ZIK1: variants seen among roughly 807,000 people sequenced by gnomAD.
The protein encoded by ZIK1 is zinc finger protein interacting with ribonucleoprotein K.
ZIK1 carries 12 observed loss-of-function variants against 10.7 expected under a neutral mutation model. That is an observed-to-expected ratio of 1.12 (90% confidence interval 0.72 to 1.81). ZIK1 has a LOEUF of 1.81. Ranked by LOEUF, ZIK1 falls within the 40% of genes most tolerant of loss-of-function variation. The pLI, the probability that ZIK1 is intolerant of heterozygous loss-of-function variation, is 0.00. For missense variants in ZIK1, 497 were observed against 585.7 expected (o/e 0.85, Z 1.56); for synonymous variants, 190 against 205.0 (o/e 0.93, Z 0.63).
chr19:57,585,054 C>T (rs1208731878), intron 2 of ZIK1, 64 bp downstream of exon 2: 1 of 1,520,172 alleles, frequency 6.6e-7, no homozygotes, highest in Non-Finnish European at 9.0e-7. Flanking sequence ...TTTCATGGAT[C>T]TTTTTGCCAC....
At chr19:57,584,489 G>T (rs2123410229) in intron 1 of ZIK1, 100 bp downstream of exon 1, 3 of 1,459,168 alleles carry the variant, frequency 2.1e-6, no homozygotes, top group South Asian at 2.7e-5. Flanking sequence ...GTGGGGGCTC[G>T]TGGGTGGGGT....
chr19:57,586,573 C>CA (rs1287207042), intron 2 of ZIK1, among the ~76,000 whole-genome samples: 1 of 151,880 alleles, frequency 6.6e-6, no homozygotes, highest in African/African-American at 2.4e-5. Context: ...AAAAACAAAA[C>CA]AAAAAAACAG....
At position 57,590,564 on chromosome 19, in the gene ZIK1, G is replaced by A. The variant is rs751906697; in HGVS notation, c.753G>A (p.Lys251=). 1 of 1,614,214 alleles carries A rather than the reference G, an allele frequency of 6.2e-7. No homozygotes were observed. The highest frequency in any genetic ancestry group is 1.7e-5 in the Admixed American group (1 of 60,024). Residue 251 remains lysine, a synonymous_variant, in exon 4 of 4, where the codon AAG becomes AAA. Transcript: ENST00000597850. ...AATGTGGGAAAGCCTTCCGTGGCAA[G>A]TACTCACTTGTTCAGCACCAGAGAG... The part of the protein sequence containing the change: ...CSKCGKAFRG[K]YSLVQHQRVH...
intron 2 of ZIK1, among the ~76,000 whole-genome samples, chr19:57,587,081 C>G (rs1979228630): frequency 2.0e-5 from 3 of 152,148 alleles, no homozygotes; most frequent in African/African-American, 7.2e-5. Flanking sequence ...AGGGGAACTC[C>G]CCCCTTATAA....
chr19:57,584,362 T>C lies in ZIK1; in HGVS notation c.6T>C (p.Ala2=). Residue 2 remains alanine, a synonymous_variant, in exon 1 of 4, where the codon GCT becomes GCC. Transcript: ENST00000597850. The stretch of plus-strand genomic sequence containing the variant: ...CGCTCTGCCCACAGACTCCGATGGC[T>C]GCGGCCGCGCTGAGGGCCCCGACTC... The part of the protein sequence containing the change: M[A]AAALRAPTQV... 6.2e-7 allele frequency: 1 copy of C among 1,602,400 alleles called. No homozygotes were observed. Among genetic ancestry groups the C allele is most frequent in the Non-Finnish European group, 8.5e-7 (1 of 1,175,240 alleles).
chr19:57,591,054 TC>T lies in ZIK1; in HGVS notation c.1245del (p.Phe416LeufsTer95), dbSNP rs760098463. On this transcript the variant is annotated frameshift_variant, in exon 4 of 4. Transcript: ENST00000597850. LOFTEE classifies it low-confidence loss of function (END_TRUNC). ...RPYKCGDCGK[S>X]FSQSSILIQH... Reference sequence around the variant, plus strand: ...TTATAAGTGTGGTGACTGTGGGAAATCCTTTAGTCAAAGCTCCATCCTTATT... The same window carrying T: ...TTATAAGTGTGGTGACTGTGGGAAATCTTTAGTCAAAGCTCCATCCTTATT... The T allele has an allele frequency of 5.0e-6, 8 of 1,613,870 alleles. No individual in the cohort carries two copies. Among genetic ancestry groups the T allele is most frequent in the Non-Finnish European group, 6.8e-6 (8 of 1,179,988 alleles).
intron 2 of ZIK1, 95 bp from the exon 3 acceptor site, chr19:57,588,444 C>T: frequency 7.7e-7 from 1 of 1,305,226 alleles, no homozygotes; most frequent in East Asian, 2.7e-5. Flanking sequence ...ATCTGTGTCA[C>T]CAGGGCCTGT....
In ZIK1 at chr19:57,591,055, C is replaced by T. The variant is rs139497450; in HGVS notation, c.1244C>T (p.Ser415Phe). ...RPYKCGDCGK[S>F]FSQSSILIQH... Reference sequence around the variant, plus strand: ...TATAAGTGTGGTGACTGTGGGAAATCCTTTAGTCAAAGCTCCATCCTTATT... The same window carrying T: ...TATAAGTGTGGTGACTGTGGGAAATTCTTTAGTCAAAGCTCCATCCTTATT... The change falls in exon 4 of 4, where the codon TCC (serine) becomes TTC (phenylalanine). Residue 415 changes from serine to phenylalanine, a missense_variant. Physicochemically the swap from Ser to Phe is radical, Grantham distance 155. Transcript: ENST00000597850. 1 of 1,613,682 alleles carries T rather than the reference C, an allele frequency of 6.2e-7. No homozygotes were observed. Among genetic ancestry groups the T allele is most frequent in the African/African-American group, 1.3e-5 (1 of 74,818 alleles).
In ZIK1 at chr19:57,584,945, T is replaced by C. The variant is rs1195638345; in HGVS notation, c.34-7T>C. 2.5e-6 allele frequency: 4 copies of C among 1,613,754 alleles called. No individual in the cohort carries two copies. The highest frequency in any genetic ancestry group is 3.4e-6 in the Non-Finnish European group (4 of 1,179,892). On this transcript the variant is annotated splice_polypyrimidine_tract_variant and splice_region_variant and intron_variant, in intron 1 of 3. Transcript: ENST00000597850. ...ACCTGCCTTTCATGATCTTTGGCTTTCCACAGGTTACTGTGTCTCCAGAAA... is the reference window on the plus strand; with the variant it reads ...ACCTGCCTTTCATGATCTTTGGCTTCCCACAGGTTACTGTGTCTCCAGAAA...
chr19:57,585,704 TTTTA>T (rs773604208), intron 2 of ZIK1, among the ~76,000 whole-genome samples: 35 of 152,216 alleles, frequency 2.3e-4, no homozygotes, highest in Non-Finnish European at 3.5e-4. Flanking sequence ...TTTATTTTTA[TTTTA>T]TTTATTTATT....
chr19:57,589,639 G>T, intron 3 of ZIK1: 9 of 985,350 alleles, frequency 9.1e-6, no homozygotes, highest in Non-Finnish European at 1.1e-5. Flanking sequence ...CCTGGGCTTG[G>T]GCACAGTCAA....
Position 57,588,675 on chromosome 19 carries a change from T to C in ZIK1, c.199+10T>C. 1 of 1,520,674 alleles carries C rather than the reference T, an allele frequency of 6.6e-7. No individual in the cohort carries two copies. The highest frequency in any genetic ancestry group is 8.9e-7 in the Non-Finnish European group (1 of 1,129,454). The allele number at this position is 1,520,674 out of a possible 1,614,324, so 94.2% of individuals were successfully genotyped here. ...CTTGTAGCCTCACTGGGTAAGGCCC[T>C]AATACCAACTCCAGTGTCCTGGTCT... is the stretch of plus-strand genomic sequence containing the variant. On this transcript the variant is annotated intron_variant, in intron 3 of 3. Transcript: ENST00000597850.
chr19:57,584,418 C>T (rs755420126), intron 1 of ZIK1, 29 bp downstream of exon 1: 1 of 1,604,816 alleles, frequency 6.2e-7, no homozygotes, highest in South Asian at 1.1e-5. Flanking sequence ...GGGCCTCACC[C>T]TCCATCCCCA....
chr19:57,587,260 A>G (rs1461156573), intron 2 of ZIK1, among the ~76,000 whole-genome samples: 2 of 152,180 alleles, frequency 1.3e-5, no homozygotes, highest in Admixed American at 1.3e-4. Flanking sequence ...ATATCATCTG[A>G]TAAGTGGTCA....
At chr19:57,588,449 G>A (rs1370665788) in intron 2 of ZIK1, 90 bp from the exon 3 acceptor site, 9 of 1,314,168 alleles carry the variant, frequency 6.8e-6, no homozygotes, top group South Asian at 2.5e-5. Context: ...TGTCACCAGG[G>A]CCTGTATTTC....
At chr19:57,584,814 G>A in intron 1 of ZIK1, 138 bp from the exon 2 acceptor site, 3 of 1,114,532 alleles carry the variant, frequency 2.7e-6, no homozygotes, top group African/African-American at 1.6e-5. Flanking sequence ...TGGCACTGAG[G>A]ACTGGAACGC....
chr19:57,589,711 G>A, intron 3 of ZIK1: 1 of 985,214 alleles, frequency 1.0e-6, no homozygotes, highest in Non-Finnish European at 1.2e-6. Context: ...TATGTGGTGA[G>A]TTTTAGGAAT....
In ZIK1 at chr19:57,593,398, G is replaced by C. The variant is rs1390713000; in HGVS notation, c.*2123G>C. ...CTTATGTGAATAGTTCATTTGTATT[G>C]CTGAGAAATAGTCTGTGGATATGTC... On this transcript the variant is annotated 3_prime_UTR_variant, in exon 4 of 4. Coordinates refer to ENST00000597850, the MANE Select transcript of ZIK1 (RefSeq NM_001010879.4). 1 of 152,130 alleles carries C rather than the reference G, an allele frequency of 6.6e-6. No homozygotes were observed. The highest frequency in any genetic ancestry group is 1.5e-5 in the Non-Finnish European group (1 of 68,024). 9.4% of individuals were successfully genotyped at this position (152,130 alleles called of 1,614,324 possible). A position where few individuals can be genotyped will look rare whatever the true frequency, so the allele number is the denominator to read the frequency against.
chr19:57,587,581 G>A (rs1979281071), intron 2 of ZIK1, among the ~76,000 whole-genome samples: 1 of 152,206 alleles, frequency 6.6e-6, no homozygotes. Flanking sequence ...GTCCCTACCA[G>A]AACCTGACCA....
Sources: gnomAD v4.1 joint callset for allele counts (sites outside exome capture counted in the v4.1 genomes callset) on GRCh38, gnomAD v4.1.1 for gene constraint, MANE v1.5 for transcripts, NCBI Gene and HGNC (gene_info 2026-07-23, HGNC 2026-07-21) for gene names.